Variants in CRADD observed in about 807,000 individuals in gnomAD.
CRADD encodes death domain-containing protein CRADD.
In CRADD, 9 loss-of-function variants were observed where a neutral mutation model predicts 15.5. The ratio of observed to expected loss-of-function variants is 0.58; its 90% confidence interval spans 0.35 to 1.01. The LOEUF is 1.01. Among genes scored for constraint, CRADD ranks in the 50% least tolerant of loss-of-function variants. The pLI is 0.02. For missense variants in CRADD, 227 were observed against 250.3 expected (o/e 0.91, Z 0.63); for synonymous variants, 118 against 107.6 (o/e 1.10, Z -0.60).
chr12:93,781,178 G>A (rs1177241793), intron 2 of CRADD, among the ~76,000 whole-genome samples: 2 of 152,020 alleles, frequency 1.3e-5, no homozygotes, highest in African/African-American at 4.8e-5. Context: ...AGAGGGCAAA[G>A]ATGAGACAGT....
intron 2 of CRADD, among the ~76,000 whole-genome samples, chr12:93,829,789 TTCAAGCAATTCTCATGCC>T (rs1957868977): frequency 6.6e-6 from 1 of 151,980 alleles, no homozygotes; most frequent in African/African-American, 2.4e-5. Context: ...GCCTCCCAGG[TTCAAGCAATTCTCATGCC>T]TCAGGCTCCT....
chr12:93,740,047 A>C (rs1308144110), intron 2 of CRADD, among the ~76,000 whole-genome samples: 1 of 152,162 alleles, frequency 6.6e-6, no homozygotes, highest in Non-Finnish European at 1.5e-5. Context: ...AACATCATAA[A>C]CTAAAACTTT....
intron 2 of CRADD, among the ~76,000 whole-genome samples, chr12:93,868,695 C>G (rs967940171): frequency 6.6e-6 from 1 of 151,874 alleles, no homozygotes; most frequent in South Asian, 2.1e-4. Flanking sequence ...TGCACACACA[C>G]ACACACACAC....
chr12:93,739,429 A>G (rs1956636038), intron 2 of CRADD, among the ~76,000 whole-genome samples: 2 of 151,758 alleles, frequency 1.3e-5, no homozygotes, highest in African/African-American at 4.8e-5. Context: ...GGCTATGCTG[A>G]TGGGCTAAAT....
At chr12:93,736,159 C>T (rs1956564636) in intron 2 of CRADD, among the ~76,000 whole-genome samples, 1 of 152,072 alleles carries the variant, frequency 6.6e-6, no homozygotes, top group Non-Finnish European at 1.5e-5. Context: ...TTTAGAAAGA[C>T]TTTTGGGGAG....
chr12:93,711,973 C>T (rs543375144), intron 2 of CRADD, among the ~76,000 whole-genome samples: 21 of 152,250 alleles, frequency 1.4e-4, no homozygotes, highest in Non-Finnish European at 2.1e-4. Context: ...CCAAGCTGCT[C>T]TTGAACTCCT....
chr12:93,790,396 G>A (rs1458486263), intron 2 of CRADD, among the ~76,000 whole-genome samples: 7 of 151,788 alleles, frequency 4.6e-5, no homozygotes, highest in Admixed American at 4.6e-4. Flanking sequence ...CACCAGCATG[G>A]CACATGTATA....
chr12:93,728,951 C>T (rs905830891), intron 2 of CRADD, among the ~76,000 whole-genome samples: 8 of 152,146 alleles, frequency 5.3e-5, no homozygotes, highest in African/African-American at 1.9e-4. Context: ...ACATGGAAAC[C>T]TAGTACAGGT....
At chr12:93,715,942 G>T (rs1326862618) in intron 2 of CRADD, among the ~76,000 whole-genome samples, 2 of 152,086 alleles carry the variant, frequency 1.3e-5, no homozygotes, top group Non-Finnish European at 2.9e-5. Context: ...AGGAGTTCGA[G>T]ATTAGCTTGG....
At chr12:93,786,085 T>G (rs1029902671) in intron 2 of CRADD, among the ~76,000 whole-genome samples, 37 of 152,338 alleles carry the variant, frequency 2.4e-4, no homozygotes, top group African/African-American at 8.4e-4. Flanking sequence ...ACGAATGATG[T>G]AGGTTTGATA....
intron 2 of CRADD, among the ~76,000 whole-genome samples, chr12:93,770,793 G>C (rs184930194): frequency 8.7e-4 from 133 of 152,316 alleles, no homozygotes; most frequent in African/African-American, 3.1e-3. Context: ...CAAATGAAAA[G>C]ATTAGAACAG....
At chr12:93,794,868 G>A (rs1408621997) in intron 2 of CRADD, among the ~76,000 whole-genome samples, 1 of 152,144 alleles carries the variant, frequency 6.6e-6, no homozygotes, top group African/African-American at 2.4e-5. Flanking sequence ...AATATACCAA[G>A]TGGGAGTCTT....
At chr12:93,758,240 T>C (rs557593246) in intron 2 of CRADD, among the ~76,000 whole-genome samples, 3 of 152,330 alleles carry the variant, frequency 2.0e-5, no homozygotes, top group Non-Finnish European at 4.4e-5. Context: ...GATTAGAGTT[T>C]AGAATCTATT....
chr12:93,696,216 T>C (rs2136825036), intron 2 of CRADD, among the ~76,000 whole-genome samples: 1 of 152,266 alleles, frequency 6.6e-6, no homozygotes. Flanking sequence ...CTCTGTGTCT[T>C]AGCAATCCCA....
chr12:93,714,610 A>G (rs991094615), intron 2 of CRADD: 7 of 152,198 alleles, frequency 4.6e-5, no homozygotes, highest in Middle Eastern at 3.2e-3. Context: ...TCTGGCATTG[A>G]TTCATTGGCT....
chr12:93,877,339 C>T (rs943658714), intron 2 of CRADD, among the ~76,000 whole-genome samples: 12 of 152,212 alleles, frequency 7.9e-5, no homozygotes, highest in Non-Finnish European at 1.2e-4. Context: ...TGGCTATTGC[C>T]CATGTTCACT....
At chr12:93,821,109 CAG>C (rs747525610) in intron 2 of CRADD, among the ~76,000 whole-genome samples, 2 of 152,178 alleles carry the variant, frequency 1.3e-5, no homozygotes, top group African/African-American at 4.8e-5. Flanking sequence ...ACTATTAAAA[CAG>C]AGATTTTACC....
At chr12:93,728,171 A>ACCC (rs1956402894) in intron 2 of CRADD, among the ~76,000 whole-genome samples, 1 of 152,240 alleles carries the variant, frequency 6.6e-6, no homozygotes, top group East Asian at 1.9e-4. Flanking sequence ...TCCACAAGGC[A>ACCC]TTCTACCCTT....
At chr12:93,787,839 A>G (rs1957297212) in intron 2 of CRADD, among the ~76,000 whole-genome samples, 1 of 152,184 alleles carries the variant, frequency 6.6e-6, no homozygotes, top group Non-Finnish European at 1.5e-5. Flanking sequence ...TATGGCAGGC[A>G]TTATCACTTA....
Sources: gnomAD v4.1 joint callset for allele counts (sites outside exome capture counted in the v4.1 genomes callset) on GRCh38, gnomAD v4.1.1 for gene constraint, MANE v1.5 for transcripts, NCBI Gene and HGNC (gene_info 2026-07-23, HGNC 2026-07-21) for gene names.